Variants in SLC44A5 observed in about 807,000 individuals in gnomAD.
SLC44A5 encodes solute carrier family 44 member 5, also known as choline transporter-like protein 5.
SLC44A5 carries 57 observed loss-of-function variants against 101.8 expected under a neutral mutation model. The observed-to-expected ratio is 0.56, with a 90% confidence interval of 0.45 to 0.70. SLC44A5 has a LOEUF of 0.70. Among genes scored for constraint, SLC44A5 ranks in the 30% least tolerant of loss-of-function variants. SLC44A5 has a pLI of 0.00. For synonymous variants in SLC44A5, 281 were observed against 290.9 expected, an observed-to-expected ratio of 0.97 and a Z score of 0.35; for missense variants, 737 against 853.1, an observed-to-expected ratio of 0.86 and a Z score of 1.70.
chr1:75,289,916 A>C (rs1422378343), intron 5 of SLC44A5, among the ~76,000 whole-genome samples: 1 of 152,232 alleles, frequency 6.6e-6, no homozygotes, highest in Non-Finnish European at 1.5e-5. Flanking sequence ...AGAAATAACT[A>C]CAAGGGTTGA....
At chr1:75,444,135 G>A (rs1448934244) in intron 2 of SLC44A5, among the ~76,000 whole-genome samples, 1 of 151,288 alleles carries the variant, frequency 6.6e-6, no homozygotes, top group Non-Finnish European at 1.5e-5. Flanking sequence ...TGGCCAACAT[G>A]GTGAAACCCT....
At chr1:75,606,923 T>C (rs1245944472) in intron 1 of SLC44A5, among the ~76,000 whole-genome samples, 3 of 151,916 alleles carry the variant, frequency 2.0e-5, no homozygotes, top group African/African-American at 4.8e-5. Context: ...TATCTCTTAA[T>C]AATGGAGCAG....
At chr1:75,536,780 G>A (rs1465716659) in intron 2 of SLC44A5, among the ~76,000 whole-genome samples, 1 of 146,828 alleles carries the variant, frequency 6.8e-6, no homozygotes, top group Non-Finnish European at 1.5e-5. Flanking sequence ...GCCGAGGCGG[G>A]CGGATCACGA....
intron 13 of SLC44A5, among the ~76,000 whole-genome samples, chr1:75,223,743 A>G (rs1009634685): frequency 6.6e-6 from 1 of 152,202 alleles, no homozygotes; most frequent in African/African-American, 2.4e-5. Context: ...AGTAAGCAGA[A>G]GTTCACCCAG....
intron 3 of SLC44A5, among the ~76,000 whole-genome samples, chr1:75,355,424 C>T (rs1658993720): frequency 6.6e-6 from 1 of 152,102 alleles, no homozygotes; most frequent in Non-Finnish European, 1.5e-5. Flanking sequence ...GAATATAATC[C>T]ATACACTACC....
At chr1:75,372,007 G>A (rs528049803) in intron 3 of SLC44A5, among the ~76,000 whole-genome samples, 1 of 152,116 alleles carries the variant, frequency 6.6e-6, no homozygotes, top group Non-Finnish European at 1.5e-5. Flanking sequence ...GACCAGCCTG[G>A]TCAATTTGGT....
rs1465210534 is a variant in SLC44A5, at chr1:75,403,673, A to G, written c.14-7052T>C. On this transcript the variant is annotated intron_variant, in intron 2 of 23. Coordinates refer to ENST00000370859, the MANE Select transcript of SLC44A5 (RefSeq NM_001130058.2). Reference sequence around the variant, plus strand: ...ATTAACATCAACAAAAAGGATGCCCACACAAAAACCCATCTGAAGGTCGCC... The same window carrying G: ...ATTAACATCAACAAAAAGGATGCCCGCACAAAAACCCATCTGAAGGTCGCC... Among the ~76,000 whole-genome samples the G allele has an allele frequency of 3.3e-5, 5 of 152,210 alleles. No individual in the cohort carries two copies. The East Asian group carries it at 7.7e-4, about 23-fold the overall frequency.
Position 75,417,710 on chromosome 1 carries a change from C to T in SLC44A5, c.14-21089G>A, listed in dbSNP as rs74089229. On this transcript the variant is annotated intron_variant, in intron 2 of 23. Transcript: ENST00000370859. ...AGGAATCATCAGGATTAAAAACATA[C>T]GTTTGAAAGACAATCTACAGGCAAG... Among the ~76,000 whole-genome samples, 1,397 of 152,190 alleles carry T rather than the reference C, an allele frequency of 9.2e-3. 22 individuals are homozygous for T. Among genetic ancestry groups the T allele is most frequent in the African/African-American group, 0.032 (1,313 of 41,522 alleles).
intron 6 of SLC44A5, among the ~76,000 whole-genome samples, chr1:75,262,962 C>T (rs1650660019): frequency 6.6e-6 from 1 of 152,008 alleles, no homozygotes; most frequent in African/African-American, 2.4e-5. Context: ...CCTTCTTTAC[C>T]TTATACAAAA....
At chr1:75,276,780 G>A (rs1405350025) in intron 5 of SLC44A5, among the ~76,000 whole-genome samples, 1 of 152,094 alleles carries the variant, frequency 6.6e-6, no homozygotes, top group Non-Finnish European at 1.5e-5. Flanking sequence ...GCTTAAATAG[G>A]TATAAGGGAG....
chr1:75,236,324 A>G (rs1648073705), intron 11 of SLC44A5, among the ~76,000 whole-genome samples: 1 of 152,036 alleles, frequency 6.6e-6, no homozygotes, highest in Non-Finnish European at 1.5e-5. Flanking sequence ...GGAGGGTGAC[A>G]AAAGAGCCAG....
the SLC44A5 span, among the ~76,000 whole-genome samples, chr1:75,715,435 T>C: frequency 2.0e-5 from 3 of 152,246 alleles, 1 homozygote; most frequent in South Asian, 6.2e-4. Context: ...ATAGTACTGG[T>C]ACAAAAACAG....
intron 4 of SLC44A5, among the ~76,000 whole-genome samples, chr1:75,333,483 T>C (rs1255183823): frequency 6.8e-6 from 1 of 146,298 alleles, no homozygotes; most frequent in Non-Finnish European, 1.5e-5. Flanking sequence ...CACTTTAAAA[T>C]GTCACCGTCT....
At chr1:75,208,519 T>C (rs988270440) in intron 23 of SLC44A5, among the ~76,000 whole-genome samples, 2 of 152,206 alleles carry the variant, frequency 1.3e-5, no homozygotes, top group East Asian at 3.8e-4. Context: ...CTAGTTTTGT[T>C]GTATCTCAAA....
At chr1:75,242,145 T>A (rs1315818757) in intron 8 of SLC44A5, 84 bp from the exon 9 acceptor site, 4 of 989,406 alleles carry the variant, frequency 4.0e-6, no homozygotes, top group Non-Finnish European at 6.2e-6. Context: ...CTTTAAAAAA[T>A]TTAACTCCAT....
At chr1:75,660,881 T>G in the SLC44A5 span, among the ~76,000 whole-genome samples, 2 of 152,098 alleles carry the variant, frequency 1.3e-5, no homozygotes, top group Non-Finnish European at 2.9e-5. Context: ...AAAATGACCA[T>G]ATTGTTGTTA....
chr1:75,553,056 T>G (rs1672027882), intron 1 of SLC44A5, among the ~76,000 whole-genome samples: 1 of 152,174 alleles, frequency 6.6e-6, no homozygotes, highest in Non-Finnish European at 1.5e-5. Context: ...GAAAAAGTTG[T>G]GTTGTCTTTT....
At chr1:75,717,332 C>T in the SLC44A5 span, among the ~76,000 whole-genome samples, 1 of 148,596 alleles carries the variant, frequency 6.7e-6, no homozygotes, top group African/African-American at 2.5e-5. Flanking sequence ...GAGAGTGAGA[C>T]CCTGTCTCAA....
the SLC44A5 span, among the ~76,000 whole-genome samples, chr1:75,654,143 A>C: frequency 6.6e-6 from 1 of 152,184 alleles, no homozygotes; most frequent in Non-Finnish European, 1.5e-5. Context: ...TGTTACAATA[A>C]AAATATTTAT....
Sources: gnomAD v4.1 joint callset for allele counts (sites outside exome capture counted in the v4.1 genomes callset) on GRCh38, gnomAD v4.1.1 for gene constraint, MANE v1.5 for transcripts, NCBI Gene and HGNC (gene_info 2026-07-23, HGNC 2026-07-21) for gene names.